Variants in BCL6 observed in about 807,000 individuals in gnomAD.
BCL6 encodes BCL6 transcription repressor, also known as B-cell lymphoma 6 protein.
Under a neutral mutation model 59.5 loss-of-function variants are expected in BCL6, and 7 were observed. That is an observed-to-expected ratio of 0.12 (90% CI 0.07 to 0.22). BCL6 has a LOEUF of 0.22. Among genes scored for constraint, BCL6 ranks in the 10% least tolerant of loss-of-function variants. The pLI is 1.00. For missense variants in BCL6, 685 were observed against 939.4 expected, an observed-to-expected ratio of 0.73 and a Z score of 3.54; for synonymous variants, 339 against 349.7, an observed-to-expected ratio of 0.97 and a Z score of 0.34.
Position 187,725,205 on chromosome 3 carries a change from C to T in BCL6, c.1840-127G>A. ...CACTCTGCTCACCTGCACACAGGGA[C>T]TGAGTGGGCCTTTCTGCTGCCCACT... On this transcript the variant is annotated intron_variant, in intron 8 of 9. Coordinates refer to ENST00000406870, the MANE Select transcript of BCL6 (RefSeq NM_001706.5). This position sits in a 1 kb window ranked among gnomAD's most constrained non-coding sequence, Gnocchi z 4.7. 1 of 1,404,398 alleles carries T rather than the reference C, an allele frequency of 7.1e-7. No individual in the cohort carries two copies. The highest frequency in any genetic ancestry group is 9.8e-7 in the Non-Finnish European group (1 of 1,024,280). The allele number at this position is 1,404,398 out of a possible 1,614,324, so 87.0% of individuals were successfully genotyped here.
intron 1 of BCL6, 143 bp downstream of exon 1, chr3:187,745,266 CA>C (rs1711893066): frequency 2.5e-6 from 1 of 397,674 alleles, no homozygotes; most frequent in Non-Finnish European, 4.4e-6. Flanking sequence ...AACTTGGAGC[CA>C]AAGCATTTGG....
intron 1 of BCL6, among the ~76,000 whole-genome samples, chr3:187,743,622 G>A (rs1344568004): frequency 6.6e-6 from 1 of 152,056 alleles, no homozygotes; most frequent in Non-Finnish European, 1.5e-5. Context: ...TTTCGCCAGG[G>A]TTCCAATAAC....
intron 7 of BCL6, among the ~76,000 whole-genome samples, chr3:187,726,041 G>A (rs1047256870): frequency 1.3e-5 from 2 of 152,218 alleles, no homozygotes; most frequent in African/African-American, 4.8e-5. Flanking sequence ...CAGATTACCT[G>A]GGAAGGTTCT....
Position 187,722,304 on chromosome 3 carries a change from G to GCCCCCCCCCCCCCCCCC in BCL6, c.*153_*154insGGGGGGGGGGGGGGGGG. The GCCCCCCCCCCCCCCCCC allele has an allele frequency of 3.2e-6, 1 of 309,310 alleles. No homozygotes were observed. The highest frequency in any genetic ancestry group is 5.4e-5 in the South Asian group (1 of 18,660). 19.2% of individuals were successfully genotyped at this position (309,310 alleles called of 1,614,324 possible). On this transcript the variant is annotated 3_prime_UTR_variant, in exon 10 of 10. Transcript: ENST00000406870. ...GCTGCTGCGGCTCCCAGTCCCCCAG[G>GCCCCCCCCCCCCCCCCC]CCCCGACCCCCACCACCCCCAACCC... is the stretch of plus-strand genomic sequence containing the variant.
intron 5 of BCL6, 126 bp from the exon 6 acceptor site, chr3:187,728,670 A>G: frequency 1.1e-6 from 1 of 931,996 alleles, no homozygotes; most frequent in Non-Finnish European, 1.5e-6. Flanking sequence ...GAGACCCCAG[A>G]GTTGTCCTCA....
rs1718471475 is a variant in BCL6, at chr3:187,722,496, C to T, written c.2083G>A (p.Ala695Thr). The T allele has an allele frequency of 6.2e-7, 1 of 1,613,748 alleles. No individual in the cohort carries two copies. Among genetic ancestry groups the T allele is most frequent in the African/African-American group, 1.3e-5 (1 of 75,030 alleles). Residue 695 changes from alanine (A) to threonine (T), a missense_variant, in exon 10 of 10, where the codon GCC becomes ACC. Ala to Thr is a moderately conservative substitution (Grantham distance 58). Coordinates refer to ENST00000406870, the MANE Select transcript of BCL6 (RefSeq NM_001706.5). Reference sequence around the variant, plus strand: ...GGGAGCTCCGGAGGCAGGTCAGTGGCTGACACGCGGTATTGCACCTTGGTG... The same window carrying T: ...GGGAGCTCCGGAGGCAGGTCAGTGGTTGACACGCGGTATTGCACCTTGGTG... ...TNTKVQYRVS[A>T]TDLPPELPKA...
intron 6 of BCL6, 40 bp from the exon 7 acceptor site, chr3:187,726,938 G>A (rs755873736): frequency 1.2e-6 from 2 of 1,607,808 alleles, no homozygotes; most frequent in South Asian, 2.2e-5. Flanking sequence ...GTCAGCACGA[G>A]GAAGGGAGGT....
chr3:187,744,883 C>A (rs935253985), intron 1 of BCL6, among the ~76,000 whole-genome samples: 4 of 152,172 alleles, frequency 2.6e-5, no homozygotes, highest in South Asian at 2.1e-4. Context: ...AGATCACAAG[C>A]CGTACGCAAG....
intron 1 of BCL6, among the ~76,000 whole-genome samples, chr3:187,738,618 T>C (rs1719399268): frequency 6.6e-6 from 1 of 152,142 alleles, no homozygotes; most frequent in South Asian, 2.1e-4. Context: ...CCGGGTGCCA[T>C]GTCCTAATTG....
In BCL6 at chr3:187,728,597, A is replaced by G. The variant is rs1718852735; in HGVS notation, c.1356-53T>C. The G allele has an allele frequency of 3.8e-5, 59 of 1,537,054 alleles. No individual in the cohort carries two copies. The South Asian group carries it at 6.9e-4, about 18-fold the overall frequency. ...GCACCTGGGGCAGGGCCTCAAGACC[A>G]CCCTCTCCTCCCTGTGTGTAGGCAA... On this transcript the variant is annotated intron_variant, in intron 5 of 9. Transcript: ENST00000406870.
chr3:187,744,366 T>G (rs560228115), intron 1 of BCL6, among the ~76,000 whole-genome samples: 1 of 140,458 alleles, frequency 7.1e-6, no homozygotes, highest in Non-Finnish European at 1.5e-5. Flanking sequence ...GTCTCTCTCC[T>G]CGGGATGAGC....
chr3:187,743,776 C>T (rs2108482340), intron 1 of BCL6, among the ~76,000 whole-genome samples: 1 of 128,454 alleles, frequency 7.8e-6, no homozygotes, highest in African/African-American at 2.9e-5. Flanking sequence ...ATTTCTGAGG[C>T]TCCAACTCTA....
At chr3:187,728,212 A>G (rs1718818948) in intron 6 of BCL6, 148 bp downstream of exon 6, 6 of 843,890 alleles carry the variant, frequency 7.1e-6, no homozygotes, top group Non-Finnish European at 1.1e-5. Context: ...GCGTGGGATG[A>G]ACGGCTGGTG....
rs151236520 is a variant in BCL6, at chr3:187,724,962, G to A, written c.1956C>T (p.His652=). Residue 652 remains histidine (H), a synonymous_variant, in exon 9 of 10, where the codon CAC becomes CAT. Transcript: ENST00000406870. ...GTACATGGTAAGGTTTCTCTCCTGT[G>A]TGGATTCGCAGGTGGCTCTTCAGAG... The part of the protein sequence containing the change: ...LQTLKSHLRI[H]TGEKPYHCEK... 57 of 1,614,122 alleles carry A rather than the reference G, an allele frequency of 3.5e-5. No homozygotes were observed. The African/African-American group carries it at 6.7e-4, about 19-fold the overall frequency.
rs200263685 is a variant in BCL6, at chr3:187,733,551, G to A, written c.143C>T (p.Thr48Met). The A allele has an allele frequency of 6.8e-5, 109 of 1,613,812 alleles. No homozygotes were observed. Among genetic ancestry groups the A allele is most frequent in the Admixed American group, 6.2e-4 (37 of 59,970 alleles). The change falls in exon 3 of 10, where the codon ACG becomes ATG. Residue 48 changes from threonine (T) to methionine (M), a missense_variant. By Grantham distance (81) the Thr-to-Met change is moderately conservative (BLOSUM62 -1). Around this residue, in one of 7 missense-constraint regions of BCL6, gnomAD observed 102 missense variants for 176.6 expected, o/e 0.58. Coordinates refer to ENST00000406870, the MANE Select transcript of BCL6 (RefSeq NM_001706.5). ...CCCTCACCTGCAGGCCATGAGGACCGTTTTATGGGCTCTAAACTGCTCACG... is the reference window on the plus strand; with the variant it reads ...CCCTCACCTGCAGGCCATGAGGACCATTTTATGGGCTCTAAACTGCTCACG... Reference protein sequence around the residue: ...VSREQFRAHKTVLMACSGLFY... With the variant: ...VSREQFRAHKMVLMACSGLFY...
chr3:187,739,166 T>C (rs906610301), intron 1 of BCL6, among the ~76,000 whole-genome samples: 4 of 152,184 alleles, frequency 2.6e-5, no homozygotes, highest in African/African-American at 7.2e-5. Context: ...ATTGGTAATC[T>C]AATAACTCCA....
intron 9 of BCL6, 174 bp downstream of exon 9, chr3:187,724,767 G>T: frequency 3.3e-6 from 3 of 902,776 alleles, no homozygotes; most frequent in Non-Finnish European, 3.3e-6. Flanking sequence ...TCTGGCCATT[G>T]GGCCCAGATC....
At chr3:187,745,035 T>G (rs1576886158) in intron 1 of BCL6, among the ~76,000 whole-genome samples, 1 of 150,558 alleles carries the variant, frequency 6.6e-6, no homozygotes, top group African/African-American at 2.5e-5. Flanking sequence ...CTCCTTCCTC[T>G]CCTCCACCTC....
intron 1 of BCL6, among the ~76,000 whole-genome samples, chr3:187,743,017 C>T (rs1327898533): frequency 7.5e-6 from 1 of 132,640 alleles, no homozygotes; most frequent in East Asian, 2.5e-4. Context: ...ATCTTGCCGC[C>T]CCCTCTTTTT....
Sources: gnomAD v4.1 joint callset for allele counts (sites outside exome capture counted in the v4.1 genomes callset) on GRCh38, gnomAD v4.1.1 for gene constraint, gnomAD v4.1.1 regional missense constraint, Gnocchi (gnomAD v3.1) non-coding constraint, MANE v1.5 for transcripts, NCBI Gene and HGNC (gene_info 2026-07-23, HGNC 2026-07-21) for gene names.